WDPCP: variants seen among roughly 807,000 people sequenced by gnomAD.
The protein encoded by WDPCP is WD repeat containing planar cell polarity effector.
A neutral mutation model predicts 93.1 loss-of-function variants in WDPCP; 71 were observed. The observed-to-expected ratio is 0.76, with a 90% CI of 0.63 to 0.93. The LOEUF (loss-of-function observed/expected upper bound fraction) is 0.93. Among genes scored for constraint, WDPCP ranks in the 40% least tolerant of loss-of-function variants. WDPCP has a pLI of 0.00. For synonymous variants in WDPCP, 315 were observed against 315.0 expected (o/e 1.00, Z 0.00); for missense variants, 844 against 887.4 (o/e 0.95, Z 0.62).
intron 2 of WDPCP, among the ~76,000 whole-genome samples, chr2:63,724,642 A>C (rs1479037597): frequency 6.6e-6 from 1 of 152,222 alleles, no homozygotes; most frequent in Non-Finnish European, 1.5e-5. Flanking sequence ...ATCATAAAGC[A>C]AAATTTAAGA....
intron 8 of WDPCP, among the ~76,000 whole-genome samples, chr2:63,435,544 A>G (rs145905987): frequency 6.6e-6 from 1 of 152,220 alleles, no homozygotes; most frequent in Non-Finnish European, 1.5e-5. Flanking sequence ...TTACCTATGA[A>G]TTTCTAGATG....
intron 1 of WDPCP, among the ~76,000 whole-genome samples, chr2:63,545,620 T>G (rs564124763): frequency 6.6e-6 from 1 of 152,142 alleles, no homozygotes; most frequent in East Asian, 1.9e-4. Context: ...ATTTATATAA[T>G]TTGTTCCTCT....
chr2:63,584,961 G>T lies in WDPCP; in HGVS notation c.75+3236C>A, dbSNP rs575525089. ...ACTAAAGTTAAAAGAGGAGGTCCTA[G>T]CAAATTATTCCACTCAATTCTACCA... On this transcript the variant is annotated intron_variant, in intron 1 of 17. Coordinates refer to ENST00000272321, the MANE Select transcript of WDPCP (RefSeq NM_015910.7). 2.0e-5 allele frequency among the ~76,000 whole-genome samples: 3 copies of T among 152,122 alleles called. No individual in the cohort carries two copies. The South Asian group carries it at 6.2e-4, about 31-fold the overall frequency.
chr2:63,276,032 T>G (rs1683065059), intron 13 of WDPCP, among the ~76,000 whole-genome samples: 1 of 152,170 alleles, frequency 6.6e-6, no homozygotes, highest in African/African-American at 2.4e-5. Flanking sequence ...CTGAAAGATC[T>G]GAAGACAAAT....
At chr2:63,423,073 G>A (rs1305490574) in intron 9 of WDPCP, among the ~76,000 whole-genome samples, 3 of 152,224 alleles carry the variant, frequency 2.0e-5, no homozygotes, top group Non-Finnish European at 4.4e-5. Flanking sequence ...TTAAGATCAT[G>A]ACAGAGCACA....
intron 1 of WDPCP, among the ~76,000 whole-genome samples, chr2:63,538,426 G>C (rs187058211): frequency 8.6e-4 from 131 of 152,222 alleles, no homozygotes; most frequent in Non-Finnish European, 2.8e-4. Flanking sequence ...TGAGTTTAGA[G>C]CTTTCATAAC....
At chr2:63,229,515 G>A (rs1358522555) in intron 14 of WDPCP, 2 of 151,760 alleles carry the variant, frequency 1.3e-5, no homozygotes, top group African/African-American at 2.4e-5. Flanking sequence ...GCCCATGCCT[G>A]TGTCCTGAAT....
At chr2:63,437,970 A>C in intron 7 of WDPCP, 1 of 1,457,722 alleles carries the variant, frequency 6.9e-7, no homozygotes, top group Non-Finnish European at 9.1e-7. Context: ...GGGGATACTG[A>C]TCAGTGTTCT....
chr2:63,277,299 C>T (rs1683162303), intron 13 of WDPCP, among the ~76,000 whole-genome samples: 3 of 152,048 alleles, frequency 2.0e-5, no homozygotes, highest in Non-Finnish European at 4.4e-5. Flanking sequence ...TCTCAGAGGA[C>T]CTACATAACA....
chr2:63,580,715 G>A (rs1377176358), intron 1 of WDPCP, among the ~76,000 whole-genome samples: 1 of 152,082 alleles, frequency 6.6e-6, no homozygotes, highest in Admixed American at 6.5e-5. Flanking sequence ...CTGTATGAGG[G>A]GAAAAACATT....
intron 10 of WDPCP, among the ~76,000 whole-genome samples, chr2:63,395,894 A>AT (rs1253964236): frequency 2.0e-5 from 3 of 151,856 alleles, no homozygotes; most frequent in Non-Finnish European, 4.4e-5. Context: ...TACCCAGGTA[A>AT]TTTTTTTGTA....
At position 63,489,906 on chromosome 2, in the gene WDPCP, G is replaced by A. The variant is rs74973660; in HGVS notation, c.161-2412C>T. Among the ~76,000 whole-genome samples the A allele has an allele frequency of 2.6e-3, 389 of 152,040 alleles. No individual in the cohort carries two copies. The Middle Eastern group carries it at 0.027, about 11-fold the overall frequency. ...AAAGTAACTTTGCAGTGGAGAAGCC[G>A]AGCAGACACTATCTTATCAGGTAAT... is the stretch of plus-strand genomic sequence containing the variant. On this transcript the variant is annotated intron_variant, in intron 2 of 17. Transcript: ENST00000272321.
Position 63,610,416 on chromosome 2 carries a change from G to A in WDPCP, n.488+40243C>T, listed in dbSNP as rs1254462104. On this transcript the variant is annotated intron_variant and non_coding_transcript_variant, in intron 3 of 4. Transcript: ENST00000467687. ...TTCTAATAAAACATAAAGAAGGAGT[G>A]GGGGAAAAACCCTATAATTCCACTG... Among the ~76,000 whole-genome samples the A allele has an allele frequency of 2.6e-5, 4 of 151,826 alleles. No homozygotes were observed. In the East Asian group the frequency reaches 7.7e-4, roughly 29 times the overall value.
At chr2:63,429,835 G>T (rs896162831) in intron 9 of WDPCP, among the ~76,000 whole-genome samples, 1 of 152,096 alleles carries the variant, frequency 6.6e-6, no homozygotes, top group Non-Finnish European at 1.5e-5. Flanking sequence ...CTATTACTGG[G>T]TATACACTGA....
chr2:63,684,278 G>A, intron 2 of WDPCP: 1 of 550,528 alleles, frequency 1.8e-6, no homozygotes, highest in Non-Finnish European at 3.4e-6. Context: ...CGCCCTTTTT[G>A]CTGTAGGCCC....
chr2:63,551,734 T>G (rs1198316794), intron 1 of WDPCP, among the ~76,000 whole-genome samples: 1 of 152,172 alleles, frequency 6.6e-6, no homozygotes, highest in African/African-American at 2.4e-5. Flanking sequence ...TCAAAATATG[T>G]TAAAAGCAAA....
intron 3 of WDPCP, chr2:63,605,267 G>C (rs761584409): frequency 9.6e-6 from 15 of 1,569,110 alleles, no homozygotes; most frequent in Non-Finnish European, 1.2e-5. Context: ...GCCTTCACCT[G>C]CCCCCTTCCC....
intron 13 of WDPCP, among the ~76,000 whole-genome samples, chr2:63,303,483 AC>A (rs1002029060): frequency 6.6e-6 from 1 of 152,116 alleles, no homozygotes; most frequent in Admixed American, 6.5e-5. Context: ...TGCATTGACC[AC>A]CCATTGTACC....
At chr2:63,247,131 C>T (rs1040597512) in intron 14 of WDPCP, among the ~76,000 whole-genome samples, 2 of 152,188 alleles carry the variant, frequency 1.3e-5, no homozygotes, top group African/African-American at 4.8e-5. Context: ...AGGATTCCTT[C>T]TTATCCCTAG....
Sources: gnomAD v4.1 joint callset for allele counts (sites outside exome capture counted in the v4.1 genomes callset) on GRCh38, gnomAD v4.1.1 for gene constraint, MANE v1.5 for transcripts, NCBI Gene and HGNC (gene_info 2026-07-23, HGNC 2026-07-21) for gene names.